Variants in WDPCP observed in about 807,000 individuals in gnomAD.
WDPCP encodes the protein WD repeat-containing and planar cell polarity effector protein fritz homolog.
Under a neutral mutation model 93.1 loss-of-function variants are expected in WDPCP, and 71 were observed. The observed-to-expected ratio is 0.76, with a 90% CI of 0.63 to 0.93. The LOEUF is 0.93. Among genes scored for constraint, WDPCP ranks in the 40% least tolerant of loss-of-function variants. WDPCP has a pLI of 0.00. For missense variants in WDPCP, 844 were observed against 887.4 expected (o/e 0.95, Z 0.62); for synonymous variants, 315 against 315.0 (o/e 1.00, Z 0.00).
intron 1 of WDPCP, among the ~76,000 whole-genome samples, chr2:63,550,145 TCA>T (rs1436129371): frequency 2.0e-5 from 3 of 151,622 alleles, no homozygotes; most frequent in Non-Finnish European, 4.4e-5. Context: ...ATTCTTTATC[TCA>T]CACATTCCCA....
intron 1 of WDPCP, among the ~76,000 whole-genome samples, chr2:63,561,694 CTA>C (rs1706640908): frequency 6.6e-6 from 1 of 152,044 alleles, no homozygotes. Flanking sequence ...AACAACCCCA[CTA>C]AGAAGTGGAC....
chr2:63,306,365 AG>A (rs1356028008), intron 13 of WDPCP, among the ~76,000 whole-genome samples: 1 of 152,228 alleles, frequency 6.6e-6, no homozygotes, highest in African/African-American at 2.4e-5. Flanking sequence ...ATAGAAAAAG[AG>A]GGACTCCTCC....
intron 1 of WDPCP, among the ~76,000 whole-genome samples, chr2:63,575,389 G>T (rs375591044): frequency 2.7e-3 from 67 of 24,892 alleles, no homozygotes; most frequent in East Asian, 0.01. Flanking sequence ...GTATATACAC[G>T]GTATATACAG....
At chr2:63,839,243 C>T in the WDPCP span, among the ~76,000 whole-genome samples, 5 of 152,230 alleles carry the variant, frequency 3.3e-5, no homozygotes, top group Non-Finnish European at 5.9e-5. Flanking sequence ...AACTGATCAT[C>T]GTTTCTTATA....
At chr2:63,782,687 A>G (rs1451699267) in intron 2 of WDPCP, among the ~76,000 whole-genome samples, 1 of 152,036 alleles carries the variant, frequency 6.6e-6, no homozygotes, top group African/African-American at 2.4e-5. Flanking sequence ...GAATGTTGGC[A>G]AAGGTGGGCC....
chr2:63,574,751 T>C (rs957331410), intron 1 of WDPCP, among the ~76,000 whole-genome samples: 3 of 152,166 alleles, frequency 2.0e-5, no homozygotes, highest in African/African-American at 7.2e-5. Flanking sequence ...GCTTGTCCAT[T>C]TGTCTGTCAT....
chr2:63,760,218 G>T (rs1041740893), intron 2 of WDPCP, among the ~76,000 whole-genome samples: 1 of 152,046 alleles, frequency 6.6e-6, no homozygotes, highest in African/African-American at 2.4e-5. Context: ...CAAGCATAAA[G>T]CCCCCTTCTG....
At chr2:63,237,912 C>G (rs773377592) in intron 14 of WDPCP, among the ~76,000 whole-genome samples, 1 of 151,390 alleles carries the variant, frequency 6.6e-6, no homozygotes, top group Non-Finnish European at 1.5e-5. Context: ...CAATAGAAGC[C>G]GAAACCTCAG....
Position 63,148,684 on chromosome 2 carries a change from TAA to T in WDPCP, c.2190+4228_2190+4229del, listed in dbSNP as rs1399049585. 3.3e-5 allele frequency among the ~76,000 whole-genome samples: 5 copies of T among 151,790 alleles called. No homozygotes were observed. In the East Asian group the frequency reaches 9.7e-4, roughly 29 times the overall value. On this transcript the variant is annotated intron_variant, in intron 17 of 17. Transcript: ENST00000272321. ...AAAAAGTATTTTCTTTTCTGTCCAC[TAA>T]AAAAGTCTAAAAGCCAAGATTAACC...
intron 17 of WDPCP, among the ~76,000 whole-genome samples, chr2:63,143,744 T>C (rs1671265445): frequency 6.6e-6 from 1 of 152,224 alleles, no homozygotes; most frequent in African/African-American, 2.4e-5. Flanking sequence ...AATTGTTTTG[T>C]TTGAGGAGGC....
At chr2:63,680,318 T>C (rs1254466128) in intron 2 of WDPCP, among the ~76,000 whole-genome samples, 1 of 152,244 alleles carries the variant, frequency 6.6e-6, no homozygotes, top group African/African-American at 2.4e-5. Flanking sequence ...TAGTCTTGAA[T>C]AGCTGATGCC....
chr2:63,382,697 T>C (rs890862546), intron 10 of WDPCP, among the ~76,000 whole-genome samples: 2 of 152,112 alleles, frequency 1.3e-5, no homozygotes, highest in Admixed American at 1.3e-4. Context: ...AGTTATAGGC[T>C]TCAGGATTTT....
Position 63,122,132 on chromosome 2 carries a change from T to C in WDPCP, c.2191-76A>G. 3 of 1,204,236 alleles carry C rather than the reference T, an allele frequency of 2.5e-6. No individual in the cohort carries two copies. In the South Asian group the frequency reaches 3.8e-5, roughly 15 times the overall value. 74.6% of individuals were successfully genotyped at this position (1,204,236 alleles called of 1,614,324 possible). ...ACTTAACATTTGTATCTTTATTATT[T>C]TTAAGTACTGAAAAATAGTGAAACA... is the stretch of plus-strand genomic sequence containing the variant. On this transcript the variant is annotated intron_variant, in intron 17 of 17. Transcript: ENST00000272321.
rs913037087 is a variant in WDPCP, at chr2:63,425,797, CAT to C, written c.825+7946_825+7947del. 4.3e-4 allele frequency among the ~76,000 whole-genome samples: 65 copies of C among 152,174 alleles called. 1 individual carries two copies. The highest frequency in any genetic ancestry group is 1.0e-4 in the Non-Finnish European group (7 of 68,032). On this transcript the variant is annotated intron_variant, in intron 9 of 17. Transcript: ENST00000272321. ...AAGAGAGAGTAAGCAACTTGGAAAA[CAT>C]ATTTGAGAATACAGTCCAAGAAAAC... is the stretch of plus-strand genomic sequence containing the variant.
intron 3 of WDPCP, among the ~76,000 whole-genome samples, chr2:63,606,185 CA>C (rs1315853387): frequency 6.6e-6 from 1 of 152,134 alleles, no homozygotes; most frequent in Non-Finnish European, 1.5e-5. Context: ...AGTTCAAGAC[CA>C]GCCGGGGCAA....
At chr2:63,702,677 G>T (rs1669077085) in intron 2 of WDPCP, among the ~76,000 whole-genome samples, 3 of 149,400 alleles carry the variant, frequency 2.0e-5, no homozygotes, top group Admixed American at 6.7e-5. Flanking sequence ...TAGCTGGACT[G>T]CAGGCGCCCA....
At position 63,621,493 on chromosome 2, in the gene WDPCP, T is replaced by C. The variant is rs559720416; in HGVS notation, n.488+29166A>G. ...TTAGAGAATAAAGAATGAAAAGTAA[T>C]GAACAAAGCCTCCAATAAATACGGG... On this transcript the variant is annotated intron_variant and non_coding_transcript_variant, in intron 3 of 4. Transcript: ENST00000467687. 2.0e-5 allele frequency among the ~76,000 whole-genome samples: 3 copies of C among 152,038 alleles called. No homozygotes were observed. The South Asian group carries it at 6.2e-4, about 32-fold the overall frequency.
chr2:63,314,230 A>G (rs7605113), intron 12 of WDPCP, among the ~76,000 whole-genome samples: 121,096 of 151,202 alleles, frequency 0.8, 49,356 homozygotes, highest in East Asian at 0.96. Context: ...AGGCTGGAGT[A>G]CAGTGGTGCA....
rs192596834 is a variant in WDPCP at position 63,572,457 on chromosome 2, C to T, written c.75+15740G>A. 8.0e-3 allele frequency among the ~76,000 whole-genome samples: 1,210 copies of T among 151,994 alleles called. 5 individuals are homozygous for T. Among genetic ancestry groups the T allele is most frequent in the Non-Finnish European group, 0.01 (707 of 67,972 alleles). ...GTGGCTCATGCCTATAATCCCAGGACTTTGGGAGGCCAAGGTGGGCGGATC... is the reference window on the plus strand; with the variant it reads ...GTGGCTCATGCCTATAATCCCAGGATTTTGGGAGGCCAAGGTGGGCGGATC... On this transcript the variant is annotated intron_variant, in intron 1 of 17. Coordinates refer to ENST00000272321, the MANE Select transcript of WDPCP (RefSeq NM_015910.7).
Sources: gnomAD v4.1 joint callset for allele counts (sites outside exome capture counted in the v4.1 genomes callset) on GRCh38, gnomAD v4.1.1 for gene constraint, MANE v1.5 for transcripts, NCBI Gene and HGNC (gene_info 2026-07-23, HGNC 2026-07-21) for gene names.